WDPCP: variants seen among roughly 807,000 people sequenced by gnomAD.
WDPCP encodes the protein WD repeat-containing and planar cell polarity effector protein fritz homolog.
Under a neutral mutation model 93.1 loss-of-function variants are expected in WDPCP, and 71 were observed. The observed-to-expected ratio is 0.76, with a 90% confidence interval of 0.63 to 0.93. The LOEUF (loss-of-function observed/expected upper bound fraction) is 0.93, where lower values mean the gene tolerates loss of function less well. Among genes scored for constraint, WDPCP ranks in the 40% least tolerant of loss-of-function variants. The probability of loss-of-function intolerance (pLI) is 0.00; values close to 1 mark genes in which losing one functional copy is unlikely to be tolerated. For missense variants in WDPCP, 844 were observed against 887.4 expected, an observed-to-expected ratio of 0.95 and a Z score of 0.62; for synonymous variants, 315 against 315.0, an observed-to-expected ratio of 1.00 and a Z score of 0.00.
chr2:63,765,349 G>C (rs1415464049), intron 2 of WDPCP, among the ~76,000 whole-genome samples: 7 of 152,160 alleles, frequency 4.6e-5, no homozygotes, highest in Admixed American at 1.3e-4. Context: ...GCTGGAGTTT[G>C]AGGCCAGCGG....
intron 10 of WDPCP, among the ~76,000 whole-genome samples, chr2:63,398,290 A>G (rs1490180493): frequency 6.6e-6 from 1 of 152,224 alleles, no homozygotes; most frequent in Non-Finnish European, 1.5e-5. Context: ...TTAATATCTT[A>G]ATAGTATAAT....
chr2:63,618,327 A>G (rs1012144964), intron 3 of WDPCP, among the ~76,000 whole-genome samples: 1 of 152,238 alleles, frequency 6.6e-6, no homozygotes, highest in Non-Finnish European at 1.5e-5. Flanking sequence ...TTTGAACTTA[A>G]TAGCTTAACG....
chr2:63,260,202 T>C (rs2104777960), intron 13 of WDPCP, among the ~76,000 whole-genome samples: 1 of 152,262 alleles, frequency 6.6e-6, no homozygotes, highest in East Asian at 1.9e-4. Context: ...GATCTTTCGA[T>C]ATGGAAGGAG....
At chr2:63,521,808 A>G (rs1399681968) in intron 1 of WDPCP, among the ~76,000 whole-genome samples, 1 of 152,142 alleles carries the variant, frequency 6.6e-6, no homozygotes, top group Non-Finnish European at 1.5e-5. Flanking sequence ...AAATTAAAAA[A>G]CACCAAAATT....
intron 2 of WDPCP, among the ~76,000 whole-genome samples, chr2:63,713,957 T>C (rs751260877): frequency 1.3e-5 from 2 of 152,234 alleles, no homozygotes; most frequent in Non-Finnish European, 2.9e-5. Flanking sequence ...TTATTGTCGT[T>C]GTTGTTGTTC....
chr2:63,159,261 T>G (rs943457436), intron 15 of WDPCP, among the ~76,000 whole-genome samples: 3 of 151,996 alleles, frequency 2.0e-5, no homozygotes, highest in African/African-American at 7.2e-5. Flanking sequence ...TTTTTTTGTT[T>G]GTTGGTTTTT....
intron 9 of WDPCP, among the ~76,000 whole-genome samples, chr2:63,419,698 G>A (rs1695700798): frequency 6.6e-6 from 1 of 152,142 alleles, no homozygotes. Flanking sequence ...AAAAACAATA[G>A]TCAGAGATAG....
chr2:63,840,155 T>C, the WDPCP span, among the ~76,000 whole-genome samples: 1 of 152,172 alleles, frequency 6.6e-6, no homozygotes, highest in Non-Finnish European at 1.5e-5. Context: ...GTGCGGGCTA[T>C]TTGAGTCTTA....
chr2:63,562,023 T>G (rs558187842), intron 1 of WDPCP, among the ~76,000 whole-genome samples: 1 of 152,340 alleles, frequency 6.6e-6, no homozygotes, highest in South Asian at 2.1e-4. Flanking sequence ...TTATTGGGTA[T>G]ATACCAAAAG....
intron 13 of WDPCP, among the ~76,000 whole-genome samples, chr2:63,262,648 T>TA (rs1681747792): frequency 6.6e-6 from 1 of 152,160 alleles, no homozygotes; most frequent in Non-Finnish European, 1.5e-5. Flanking sequence ...AAGTGTGGGC[T>TA]ATAAGATCTG....
chr2:63,824,324 T>C (rs1476285896), intron 1 of WDPCP, among the ~76,000 whole-genome samples: 1 of 151,468 alleles, frequency 6.6e-6, no homozygotes, highest in Non-Finnish European at 1.5e-5. Flanking sequence ...TCTTTATAAA[T>C]TACCCAATCT....
At chr2:63,815,110 T>C (rs915186582) in intron 1 of WDPCP, among the ~76,000 whole-genome samples, 9 of 152,156 alleles carry the variant, frequency 5.9e-5, no homozygotes, top group Admixed American at 1.3e-4. Flanking sequence ...TAAAAAAAAC[T>C]CCAAACCATT....
intron 3 of WDPCP, among the ~76,000 whole-genome samples, chr2:63,637,079 C>T (rs979292501): frequency 4.6e-5 from 7 of 152,046 alleles, no homozygotes; most frequent in African/African-American, 9.7e-5. Context: ...GGCGGCTGGG[C>T]GCGGTAGCTC....
intron 13 of WDPCP, among the ~76,000 whole-genome samples, chr2:63,306,435 A>C (rs1349062718): frequency 6.6e-6 from 1 of 152,184 alleles, no homozygotes; most frequent in Non-Finnish European, 1.5e-5. Context: ...GAGTCACAAC[A>C]AAAAAAGAAA....
Position 63,294,566 on chromosome 2 carries a change from C to A in WDPCP, c.1812+18682G>T, listed in dbSNP as rs1684704429. On this transcript the variant is annotated intron_variant, in intron 13 of 17. Transcript: ENST00000272321. Reference sequence around the variant, plus strand: ...GAAAAAAAATGTCAACCAAGAATCCCGTATCTGGCAAAATTGTCCTTCAAA... The same window carrying A: ...GAAAAAAAATGTCAACCAAGAATCCAGTATCTGGCAAAATTGTCCTTCAAA... Among the ~76,000 whole-genome samples, 5 of 147,830 alleles carry A rather than the reference C, an allele frequency of 3.4e-5. 1 individual carries two copies. In the South Asian group the frequency reaches 1.1e-3, roughly 32 times the overall value.
At chr2:63,658,437 T>C (rs1710191648) in intron 2 of WDPCP, among the ~76,000 whole-genome samples, 1 of 152,180 alleles carries the variant, frequency 6.6e-6, no homozygotes, top group African/African-American at 2.4e-5. Context: ...TAATCAGACC[T>C]ATGTACCAAC....
intron 9 of WDPCP, among the ~76,000 whole-genome samples, chr2:63,415,607 C>A (rs2105307564): frequency 6.6e-6 from 1 of 152,294 alleles, no homozygotes; most frequent in Non-Finnish European, 1.5e-5. Flanking sequence ...CAGTTTGAAT[C>A]CAGGTCTGTC....
intron 2 of WDPCP, among the ~76,000 whole-genome samples, chr2:63,780,766 A>G (rs1241779475): frequency 6.6e-6 from 1 of 152,226 alleles, no homozygotes; most frequent in African/African-American, 2.4e-5. Flanking sequence ...ATATATGCAC[A>G]GCTTGGAGAA....
In WDPCP at chr2:63,400,931, C is replaced by T. The variant is rs1694100631; in HGVS notation, c.1435+3117G>A. On this transcript the variant is annotated intron_variant, in intron 10 of 17. Coordinates refer to ENST00000272321, the MANE Select transcript of WDPCP (RefSeq NM_015910.7). ...TATTTAATAAATGGTGCTGGGAAAA[C>T]TGGCTAGCCATATGCAGAAAACTGA... is the stretch of plus-strand genomic sequence containing the variant. Among the ~76,000 whole-genome samples the T allele has an allele frequency of 2.0e-5, 3 of 152,254 alleles. 1 individual carries two copies. In the South Asian group the frequency reaches 6.2e-4, roughly 32 times the overall value.
Sources: allele counts gnomAD v4.1 joint callset (sites outside exome capture counted in the v4.1 genomes callset), GRCh38; gene constraint gnomAD v4.1.1; transcripts MANE v1.5; gene names NCBI Gene and HGNC (gene_info 2026-07-23, HGNC 2026-07-21).